The following CGGBP1 variants were observed in gnomAD, a reference collection of about 807,000 sequenced individuals.
CGGBP1 encodes the protein CGG triplet repeat binding protein 1, also known as CGG triplet repeat-binding protein 1.
A neutral mutation model predicts 11.4 loss-of-function variants in CGGBP1; 4 were observed. The ratio of observed to expected loss-of-function variants is 0.35; its 90% CI spans 0.17 to 0.80. CGGBP1 has a LOEUF of 0.80. Ranked by LOEUF, CGGBP1 falls within the 30% of genes least tolerant of loss-of-function variation. The pLI is 0.52. For missense variants in CGGBP1, 135 were observed against 202.1 expected, an observed-to-expected ratio of 0.67 and a Z score of 2.01; for synonymous variants, 76 against 74.1, an observed-to-expected ratio of 1.03 and a Z score of -0.13.
At chr3:88,130,945 G>C (rs1294511337) in intron 2 of CGGBP1, among the ~76,000 whole-genome samples, 1 of 152,082 alleles carries the variant, frequency 6.6e-6, no homozygotes, top group African/African-American at 2.4e-5. Flanking sequence ...TAGAGAAAGG[G>C]ATTAGGAGGT....
At chr3:88,127,412 C>T (rs1324445981) in intron 2 of CGGBP1, among the ~76,000 whole-genome samples, 1 of 148,902 alleles carries the variant, frequency 6.7e-6, no homozygotes, top group African/African-American at 2.5e-5. Flanking sequence ...AAAAAGGACA[C>T]TGGTGTTTGA....
intron 2 of CGGBP1, chr3:88,140,526 A>G: frequency 6.2e-7 from 1 of 1,613,742 alleles, no homozygotes. Flanking sequence ...TGTTTCAAAT[A>G]TAAGCTTGAT....
intron 2 of CGGBP1, among the ~76,000 whole-genome samples, chr3:88,117,575 G>T (rs1705487731): frequency 6.6e-6 from 1 of 151,926 alleles, no homozygotes; most frequent in Non-Finnish European, 1.5e-5. Flanking sequence ...TTTACAAATG[G>T]GGTCATTACA....
At position 88,053,643 on chromosome 3, in the gene CGGBP1, G is replaced by T. The variant is rs1254664940; in HGVS notation, c.*1830C>A. The T allele has an allele frequency of 1.3e-5, 2 of 152,518 alleles. No individual in the cohort carries two copies. The highest frequency in any genetic ancestry group is 4.8e-5 in the African/African-American group (2 of 41,428). 9.4% of individuals were successfully genotyped at this position (152,518 alleles called of 1,614,324 possible). A position where few individuals can be genotyped will look rare whatever the true frequency, so the allele number is the denominator to read the frequency against. On this transcript the variant is annotated 3_prime_UTR_variant, in exon 4 of 4. Transcript: ENST00000482016. ...CACATGGAATTTCAAAAAACAGAATGATTGTGTATCTTTTCGTATTCTGAA... is the reference window on the plus strand; with the variant it reads ...CACATGGAATTTCAAAAAACAGAATTATTGTGTATCTTTTCGTATTCTGAA...
At chr3:88,145,204 C>A (rs1707288505) in intron 1 of CGGBP1, among the ~76,000 whole-genome samples, 1 of 152,074 alleles carries the variant, frequency 6.6e-6, no homozygotes, top group Non-Finnish European at 1.5e-5. Flanking sequence ...ATGAAGGCTC[C>A]TACTTTTTTC....
intron 2 of CGGBP1, among the ~76,000 whole-genome samples, chr3:88,080,749 T>G (rs1396956400): frequency 2.6e-5 from 4 of 152,240 alleles, no homozygotes; most frequent in African/African-American, 9.6e-5. Context: ...AATCTGCTTA[T>G]GTTATCAAAT....
At chr3:88,137,390 G>A (rs1439536192) in intron 2 of CGGBP1, among the ~76,000 whole-genome samples, 1 of 152,018 alleles carries the variant, frequency 6.6e-6, no homozygotes, top group Admixed American at 6.6e-5. Context: ...ATTTATAGGA[G>A]CAAACTAAGT....
At chr3:88,138,251 A>G (rs1303261471) in intron 2 of CGGBP1, among the ~76,000 whole-genome samples, 2 of 152,212 alleles carry the variant, frequency 1.3e-5, no homozygotes, top group Non-Finnish European at 2.9e-5. Context: ...CTATAATAAA[A>G]GTTCCCATAA....
At chr3:88,139,093 A>T (rs1156322698) in intron 2 of CGGBP1, 2 of 1,263,198 alleles carry the variant, frequency 1.6e-6, no homozygotes, top group East Asian at 3.1e-5. Flanking sequence ...AGATTTCTAA[A>T]TGAAAGCACA....
chr3:88,107,943 A>G (rs1704844000), intron 2 of CGGBP1, among the ~76,000 whole-genome samples: 1 of 151,918 alleles, frequency 6.6e-6, no homozygotes, highest in Non-Finnish European at 1.5e-5. Flanking sequence ...CCTTGTTCAT[A>G]GTGCTGTGTT....
intron 2 of CGGBP1, among the ~76,000 whole-genome samples, chr3:88,108,515 T>C (rs1397963728): frequency 6.6e-6 from 1 of 152,190 alleles, no homozygotes; most frequent in African/African-American, 2.4e-5. Context: ...AATAGAATAT[T>C]CCAGAAATAA....
At chr3:88,095,966 TC>T in intron 2 of CGGBP1, 1 of 319,496 alleles carries the variant, frequency 3.1e-6, no homozygotes, top group Non-Finnish European at 5.8e-6. Flanking sequence ...TGGTTTTCTT[TC>T]CCGTGTTGCA....
chr3:88,063,342 T>C (rs1706995910), upstream of CGGBP1, among the ~76,000 whole-genome samples: 1 of 152,312 alleles, frequency 6.6e-6, no homozygotes, highest in South Asian at 2.1e-4. Context: ...TTTTTAATGA[T>C]CCTCAAATAG....
intron 2 of CGGBP1, chr3:88,129,827 G>C: frequency 7.0e-7 from 1 of 1,422,820 alleles, no homozygotes; most frequent in Non-Finnish European, 9.3e-7. Context: ...ACTGTATCTG[G>C]TAAGTGTTTG....
rs745437741 is a variant in CGGBP1, at chr3:88,140,968, A to G, written c.-229+2T>C. 7 of 1,613,438 alleles carry G rather than the reference A, an allele frequency of 4.3e-6. No individual in the cohort carries two copies. The highest frequency in any genetic ancestry group is 5.1e-6 in the Non-Finnish European group (6 of 1,179,538). On this transcript the variant is annotated splice_donor_variant, in intron 2 of 3. Transcript: ENST00000462901. LOFTEE classifies it low-confidence loss of function (5UTR_SPLICE). Reference sequence around the variant, plus strand: ...AGATGTGGCAAATGCCTGACCACCTACTGTAATGCAGAAGCACTTGAGGCT... The same window carrying G: ...AGATGTGGCAAATGCCTGACCACCTGCTGTAATGCAGAAGCACTTGAGGCT...
At chr3:88,115,845 G>GTAAATAA (rs1705357413) in intron 2 of CGGBP1, among the ~76,000 whole-genome samples, 2 of 152,040 alleles carry the variant, frequency 1.3e-5, no homozygotes, top group Non-Finnish European at 1.5e-5. Flanking sequence ...TCCCAATGAA[G>GTAAATAA]TGACAAAAAT....
chr3:88,080,611 A>G (rs1365592280), intron 2 of CGGBP1, among the ~76,000 whole-genome samples: 4 of 152,048 alleles, frequency 2.6e-5, no homozygotes, highest in Admixed American at 6.6e-5. Flanking sequence ...TCCAAAGCCT[A>G]TACTCTTTCC....
chr3:88,059,797 C>T (rs1037695257), upstream of CGGBP1, among the ~76,000 whole-genome samples: 2 of 152,092 alleles, frequency 1.3e-5, no homozygotes, highest in African/African-American at 4.8e-5. Flanking sequence ...CATGCCTTCC[C>T]TACCCCAAAC....
Position 88,055,980 on chromosome 3 carries a change from G to A in CGGBP1, c.-4C>T. The A allele has an allele frequency of 6.3e-7, 1 of 1,594,298 alleles. No homozygotes were observed. The highest frequency in any genetic ancestry group is 1.1e-5 in the South Asian group (1 of 88,438). ...CTGTTACTACAAATCGCTCCATTCT[G>A]ACTCTAAATAAATATGGTTCTTTCA... On this transcript the variant is annotated 5_prime_UTR_variant, in exon 4 of 4. Transcript: ENST00000482016. The surrounding 1 kb of genome is among the most constrained non-coding windows in gnomAD (Gnocchi z 4.2).
Sources: allele counts gnomAD v4.1 joint callset (sites outside exome capture counted in the v4.1 genomes callset), GRCh38; gene constraint gnomAD v4.1.1; non-coding constraint Gnocchi (gnomAD v3.1); transcripts MANE v1.5; gene names NCBI Gene and HGNC (gene_info 2026-07-23, HGNC 2026-07-21).